The following TMEM207 variants were observed in gnomAD, a reference collection of about 807,000 sequenced individuals.
The protein encoded by TMEM207 is transmembrane protein 207, also known as SRSR846.
In TMEM207, 15 loss-of-function variants were observed where a neutral mutation model predicts 17.4. That is an observed-to-expected ratio of 0.86 (90% CI 0.58 to 1.33). The LOEUF is 1.33. TMEM207 is among the 40% of genes most tolerant of loss of function. The pLI is 0.00. For missense variants in TMEM207, 205 were observed against 173.8 expected (o/e 1.18, Z -1.01); for synonymous variants, 70 against 65.6 (o/e 1.07, Z -0.33).
At chr3:190,445,302 C>T (rs559662676) in intron 2 of TMEM207, among the ~76,000 whole-genome samples, 21 of 152,252 alleles carry the variant, frequency 1.4e-4, no homozygotes, top group African/African-American at 5.1e-4. Flanking sequence ...GTGTCCTTGG[C>T]TATTTATCAG....
At chr3:190,447,906 A>C in intron 1 of TMEM207, 79 bp from the exon 2 acceptor site, 1 of 1,335,824 alleles carries the variant, frequency 7.5e-7, no homozygotes, top group Non-Finnish European at 1.0e-6. Flanking sequence ...CCTAGAGACA[A>C]TGTGGGTTTA....
Position 190,444,467 on chromosome 3 carries a change from T to C in TMEM207, c.114-2985A>G, listed in dbSNP as rs1339770263. On this transcript the variant is annotated intron_variant, in intron 2 of 4. Coordinates refer to ENST00000354905, the MANE Select transcript of TMEM207 (RefSeq NM_207316.3). The stretch of plus-strand genomic sequence containing the variant: ...GAGTATTGCCTGAATGAATCCAGTA[T>C]CCCGTGTTCCAAATGCTTTAAGGAA... 19 of 983,792 alleles carry C rather than the reference T, an allele frequency of 1.9e-5. No homozygotes were observed. The East Asian group carries it at 1.3e-3, about 65-fold the overall frequency. 60.9% of individuals were successfully genotyped at this position (983,792 alleles called of 1,614,324 possible). A position where few individuals can be genotyped will look rare whatever the true frequency, so the allele number is the denominator to read the frequency against.
chr3:190,444,768 T>A (rs1365254490), intron 2 of TMEM207, among the ~76,000 whole-genome samples: 1 of 152,198 alleles, frequency 6.6e-6, no homozygotes, highest in Non-Finnish European at 1.5e-5. Context: ...AAATTCAAGC[T>A]ATGAGGCCTC....
Position 190,429,657 on chromosome 3 carries a change from C to T in TMEM207, c.379G>A (p.Ala127Thr), listed in dbSNP as rs368078215. Residue 127 changes from alanine (A) to threonine (T), a missense_variant, in exon 5 of 5, where the codon GCT (alanine) becomes ACT (threonine). Transcript: ENST00000354905. ...TQTPDLYPVPAPCFGPLGSPP... is the reference protein window; with the variant it reads ...TQTPDLYPVPTPCFGPLGSPP... ...GAGCCTAAAGGGCCAAAACATGGAG[C>T]AGGAACAGGATATAGGTCAGGGGTT... 73 of 1,613,534 alleles carry T rather than the reference C, an allele frequency of 4.5e-5. No homozygotes were observed. The South Asian group carries it at 7.4e-4, about 16-fold the overall frequency.
intron 2 of TMEM207, among the ~76,000 whole-genome samples, chr3:190,443,593 G>A (rs774213021): frequency 1.6e-4 from 24 of 151,566 alleles, no homozygotes; most frequent in Admixed American, 1.1e-3. Context: ...AGGAAGAGGG[G>A]AATTCACTAC....
At chr3:190,447,938 A>G (rs1213093901) in intron 1 of TMEM207, 111 bp from the exon 2 acceptor site, 2 of 992,434 alleles carry the variant, frequency 2.0e-6, no homozygotes, top group Non-Finnish European at 2.9e-6. Context: ...TTGCTTTTTT[A>G]ATTAAAAGCT....
At chr3:190,430,882 A>G (rs1364129814) in intron 4 of TMEM207, among the ~76,000 whole-genome samples, 1 of 152,172 alleles carries the variant, frequency 6.6e-6, no homozygotes, top group Non-Finnish European at 1.5e-5. Flanking sequence ...TGATGCCATT[A>G]GGAATATTCC....
intron 1 of TMEM207, among the ~76,000 whole-genome samples, chr3:190,448,293 A>G (rs1720093942): frequency 6.6e-6 from 1 of 152,130 alleles, no homozygotes; most frequent in Non-Finnish European, 1.5e-5. Context: ...ATATATATTC[A>G]TGAAAGGGCG....
At chr3:190,448,387 A>T (rs749152770) in intron 1 of TMEM207, among the ~76,000 whole-genome samples, 2 of 152,140 alleles carry the variant, frequency 1.3e-5, no homozygotes, top group African/African-American at 4.8e-5. Flanking sequence ...TTATCAGAGA[A>T]GAGAAAAAAA....
chr3:190,429,520 A>AT lies in TMEM207; in HGVS notation c.*74dup, dbSNP rs1306263086. On this transcript the variant is annotated 3_prime_UTR_variant, in exon 5 of 5. Coordinates refer to ENST00000354905, the MANE Select transcript of TMEM207 (RefSeq NM_207316.3). ...TCTCTGGACATTTCCAACAACTGAAATAACTATTCCTAAATTTGATGTTTT... is the reference window on the plus strand; with the variant it reads ...TCTCTGGACATTTCCAACAACTGAAATTAACTATTCCTAAATTTGATGTTTT... 6.4e-6 allele frequency: 10 copies of AT among 1,565,134 alleles called. No homozygotes were observed. The Admixed American group carries it at 1.7e-4, about 27-fold the overall frequency.
Position 190,449,846 on chromosome 3 carries a change from G to A in TMEM207, c.-37C>T. On this transcript the variant is annotated 5_prime_UTR_variant, in exon 1 of 5. Transcript: ENST00000354905. Reference sequence around the variant, plus strand: ...AGTCAACTTAGGATAGTGGTTTGGTGCCTGTGTTTATTTCCTTCTTTCTCA... The same window carrying A: ...AGTCAACTTAGGATAGTGGTTTGGTACCTGTGTTTATTTCCTTCTTTCTCA... 1 of 1,582,556 alleles carries A rather than the reference G, an allele frequency of 6.3e-7. No homozygotes were observed. Among genetic ancestry groups the A allele is most frequent in the Non-Finnish European group, 8.7e-7 (1 of 1,151,608 alleles).
At chr3:190,431,840 A>G (rs1176308323) in intron 4 of TMEM207, among the ~76,000 whole-genome samples, 7 of 152,176 alleles carry the variant, frequency 4.6e-5, no homozygotes, top group African/African-American at 1.7e-4. Flanking sequence ...TAGAAAACTC[A>G]TTATCTTCTT....
intron 4 of TMEM207, among the ~76,000 whole-genome samples, chr3:190,437,604 G>T (rs1295778966): frequency 2.6e-5 from 4 of 152,038 alleles, no homozygotes; most frequent in Non-Finnish European, 5.9e-5. Context: ...AACAACAGGT[G>T]CTGGAGAGGA....
chr3:190,433,179 C>G (rs1719726252), intron 4 of TMEM207, among the ~76,000 whole-genome samples: 1 of 152,176 alleles, frequency 6.6e-6, no homozygotes, highest in African/African-American at 2.4e-5. Flanking sequence ...CTGCCTCAAG[C>G]TCTATTTGTC....
rs146464358 is a variant in TMEM207, at chr3:190,440,365, C to T, written c.183G>A (p.Val61=). 8,982 of 1,611,900 alleles carry T rather than the reference C, an allele frequency of 5.6e-3. 199 individuals carry two copies. Among genetic ancestry groups the T allele is most frequent in the South Asian group, 0.052 (4,690 of 90,834 alleles). The change falls in exon 4 of 5, where the codon GTG becomes GTA. Residue 61 remains valine (V), a synonymous_variant. Transcript: ENST00000354905. ...CCACAGCTCCACAGAGAAGAGCTGC[C>T]ACCAAAACCAGCAGCAGGAGGATCC... The part of the protein sequence containing the change: ...YIWILLLLVL[V]AALLCGAVVL...
intron 4 of TMEM207, among the ~76,000 whole-genome samples, chr3:190,434,462 T>A (rs1719758101): frequency 6.6e-6 from 1 of 152,238 alleles, no homozygotes; most frequent in African/African-American, 2.4e-5. Flanking sequence ...GACTTGCTCC[T>A]CCTTGCTTTC....
chr3:190,449,476 CA>C (rs1457923313), intron 1 of TMEM207, among the ~76,000 whole-genome samples: 1 of 152,140 alleles, frequency 6.6e-6, no homozygotes, highest in Non-Finnish European at 1.5e-5. Context: ...CAAAGTTAAA[CA>C]AAGGTTAAAT....
chr3:190,435,381 C>T (rs1719782933), intron 4 of TMEM207, among the ~76,000 whole-genome samples: 1 of 152,084 alleles, frequency 6.6e-6, no homozygotes, highest in Non-Finnish European at 1.5e-5. Flanking sequence ...TAAGGTTCAT[C>T]CCAATTACCT....
At chr3:190,432,728 TC>T (rs1214325552) in intron 4 of TMEM207, among the ~76,000 whole-genome samples, 1 of 152,062 alleles carries the variant, frequency 6.6e-6, no homozygotes, top group Non-Finnish European at 1.5e-5. Flanking sequence ...CTCCTATTTC[TC>T]CCCAGCTCAG....
Sources: allele counts gnomAD v4.1 joint callset (sites outside exome capture counted in the v4.1 genomes callset), GRCh38; gene constraint gnomAD v4.1.1; transcripts MANE v1.5; gene names NCBI Gene and HGNC (gene_info 2026-07-23, HGNC 2026-07-21).